Variants in PLIN3 observed in about 807,000 individuals in gnomAD.
PLIN3 encodes perilipin 3.
Under a neutral mutation model 35.9 loss-of-function variants are expected in PLIN3, and 30 were observed. The ratio of observed to expected loss-of-function variants is 0.84; its 90% CI spans 0.62 to 1.13. PLIN3 has a LOEUF of 1.13. Ranked by LOEUF, PLIN3 falls within the 50% of genes most tolerant of loss-of-function variation. The pLI is 0.00. For synonymous variants in PLIN3, 261 were observed against 262.5 expected (o/e 0.99, Z 0.06); for missense variants, 603 against 596.9 (o/e 1.01, Z -0.11).
Position 4,861,375 on chromosome 19 carries a change from T to C in PLIN3, c.20A>G (p.Glu7Gly), listed in dbSNP as rs771147212. The C allele has an allele frequency of 3.1e-6, 5 of 1,613,070 alleles. No homozygotes were observed. In the South Asian group the frequency reaches 5.5e-5, roughly 18 times the overall value. The change falls in exon 2 of 8, where the codon GAG (glutamate) becomes GGG (glycine). Residue 7 changes from glutamate (E) to glycine (G), a missense_variant. Glu to Gly is a moderately conservative substitution (Grantham distance 98). Coordinates refer to ENST00000221957, the MANE Select transcript of PLIN3 (RefSeq NM_005817.5). MSADGAEADGSTQVTVE... is the reference protein window; with the variant it reads MSADGAGADGSTQVTVE... ...TGTCACCTGGGTGCTGCCATCAGCC[T>C]CTGCCCCGTCGGCAGACATGGTCTC... is the stretch of plus-strand genomic sequence containing the variant.
chr19:4,840,612 A>T (rs2029877862), intron 7 of PLIN3, among the ~76,000 whole-genome samples: 1 of 152,198 alleles, frequency 6.6e-6, no homozygotes, highest in East Asian at 1.9e-4. Context: ...GGGAGAGCAC[A>T]TGAAAAGCTG....
In PLIN3 at chr19:4,847,748, TCGAAGCTTGCCCAG is replaced by T; in HGVS notation, c.763_776del (p.Leu255SerfsTer28). On this transcript the variant is annotated frameshift_variant, in exon 6 of 8. Coordinates refer to ENST00000221957, the MANE Select transcript of PLIN3 (RefSeq NM_005817.5). LOFTEE classifies it high-confidence loss of function. ...CCTCCTGTGCCCTCTGCTTGGTGGC[TCGAAGCTTGCCCAG>T]CGAGTGCTCATAGGCGTGCTGCCGC... The T allele has an allele frequency of 6.2e-7, 1 of 1,612,424 alleles. No homozygotes were observed. Among genetic ancestry groups the T allele is most frequent in the East Asian group, 2.2e-5 (1 of 44,840 alleles).
chr19:4,856,232 G>A (rs533716321), intron 4 of PLIN3, among the ~76,000 whole-genome samples: 1 of 152,218 alleles, frequency 6.6e-6, no homozygotes, highest in South Asian at 2.1e-4. Flanking sequence ...TAACCACTGG[G>A]CTGAAGCGGA....
At chr19:4,839,636 A>C in intron 7 of PLIN3, 100 bp from the exon 8 acceptor site, 7 of 858,768 alleles carry the variant, frequency 8.2e-6, no homozygotes, top group South Asian at 3.0e-5. Context: ...TCTACCACTG[A>C]CCTTGGGGCA....
intron 5 of PLIN3, among the ~76,000 whole-genome samples, chr19:4,851,403 G>A (rs951182428): frequency 6.6e-6 from 1 of 152,122 alleles, no homozygotes; most frequent in Non-Finnish European, 1.5e-5. Context: ...GGCAGAGGTT[G>A]CAGTGAGCTG....
chr19:4,854,593 C>T lies in PLIN3; in HGVS notation c.349-2292G>A, dbSNP rs142974477. On this transcript the variant is annotated intron_variant, in intron 4 of 7. Transcript: ENST00000221957. The stretch of plus-strand genomic sequence containing the variant: ...TAATTTTTTGTATTTTTAGTAGAGA[C>T]GGGGTTTCACTGTGTGAGCCAGCAT... Among the ~76,000 whole-genome samples, 792 of 151,876 alleles carry T rather than the reference C, an allele frequency of 5.2e-3. 10 individuals are homozygous for T. Among genetic ancestry groups the T allele is most frequent in the South Asian group, 0.034 (162 of 4,802 alleles).
intron 4 of PLIN3, 141 bp downstream of exon 4, chr19:4,859,449 G>A: frequency 1.4e-6 from 1 of 725,286 alleles, no homozygotes; most frequent in South Asian, 1.6e-5. Flanking sequence ...GTGGGGAGTG[G>A]ATTCGGGGTG....
At chr19:4,844,863 A>T in intron 6 of PLIN3, 70 bp from the exon 7 acceptor site, 1 of 1,463,322 alleles carries the variant, frequency 6.8e-7, no homozygotes, top group Non-Finnish European at 9.1e-7. Flanking sequence ...GAAGGAACCC[A>T]AGGAATCCTT....
intron 1 of PLIN3, among the ~76,000 whole-genome samples, chr19:4,861,820 A>G (rs1332865802): frequency 2.0e-5 from 3 of 151,814 alleles, no homozygotes; most frequent in African/African-American, 7.3e-5. Flanking sequence ...TTTTTAGTAG[A>G]GACGGGGTTT....
chr19:4,841,208 T>C (rs546428326), intron 7 of PLIN3, among the ~76,000 whole-genome samples: 1 of 152,156 alleles, frequency 6.6e-6, no homozygotes, highest in Admixed American at 6.6e-5. Context: ...TAGAAACGAC[T>C]CAAGTGTCCT....
At chr19:4,843,070 A>C (rs1333421704) in intron 7 of PLIN3, among the ~76,000 whole-genome samples, 2 of 151,754 alleles carry the variant, frequency 1.3e-5, no homozygotes, top group African/African-American at 2.4e-5. Context: ...AAAAGTACAA[A>C]AATTAGCCGG....
intron 7 of PLIN3, 72 bp from the exon 8 acceptor site, chr19:4,839,608 A>G (rs2029870228): frequency 2.5e-6 from 3 of 1,215,370 alleles, no homozygotes; most frequent in Non-Finnish European, 3.3e-6. Context: ...GAAGCCAGGG[A>G]AAGAGGGGAA....
chr19:4,858,951 C>T (rs558902806), intron 4 of PLIN3, among the ~76,000 whole-genome samples: 2 of 151,968 alleles, frequency 1.3e-5, no homozygotes, highest in African/African-American at 4.8e-5. Flanking sequence ...ATCCTCCCGC[C>T]TTGGCCTCCC....
At position 4,861,211 on chromosome 19, in the gene PLIN3, C is replaced by T. The variant is rs1421327275; in HGVS notation, c.66+118G>A. ...ATACCCCACTGAGGAATAAATCCCT[C>T]TGGCTCCGTGAGCTGCCGGCAGATC... is the stretch of plus-strand genomic sequence containing the variant. On this transcript the variant is annotated intron_variant, in intron 2 of 7. Coordinates refer to ENST00000221957, the MANE Select transcript of PLIN3 (RefSeq NM_005817.5). The T allele has an allele frequency of 6.0e-6, 5 of 833,408 alleles. No homozygotes were observed. The Admixed American group carries it at 9.2e-5, about 15-fold the overall frequency. The allele number at this position is 833,408 out of a possible 1,614,324, so 51.6% of individuals were successfully genotyped here.
At chr19:4,849,063 C>T (rs1332910884) in intron 5 of PLIN3, among the ~76,000 whole-genome samples, 1 of 151,622 alleles carries the variant, frequency 6.6e-6, no homozygotes, top group Admixed American at 6.6e-5. Context: ...CTCCCAGCTT[C>T]AAGCTATCCT....
At chr19:4,861,521 C>T in intron 1 of PLIN3, 110 bp from the exon 2 acceptor site, 1 of 711,980 alleles carries the variant, frequency 1.4e-6, no homozygotes, top group Non-Finnish European at 2.5e-6. Flanking sequence ...CCATGACTTA[C>T]AGCTGTGTCT....
At chr19:4,859,760 C>A in intron 3 of PLIN3, 66 bp downstream of exon 3, 1 of 1,595,164 alleles carries the variant, frequency 6.3e-7, no homozygotes, top group South Asian at 1.1e-5. Context: ...CTGGGTAGAC[C>A]CCCCTACTCC....
intron 6 of PLIN3, 88 bp downstream of exon 6, chr19:4,847,603 G>GGTGCA (rs555266649): frequency 7.3e-6 from 8 of 1,101,054 alleles, no homozygotes; most frequent in Non-Finnish European, 1.1e-5. Context: ...CCTGCAGAGG[G>GGTGCA]GTGAGCAATA....
intron 5 of PLIN3, among the ~76,000 whole-genome samples, chr19:4,849,506 A>G (rs969049382): frequency 6.6e-6 from 1 of 151,960 alleles, no homozygotes; most frequent in African/African-American, 2.4e-5. Flanking sequence ...GATGGGGTCT[A>G]TGTTGTCCAG....
Sources: gnomAD v4.1 joint callset for allele counts (sites outside exome capture counted in the v4.1 genomes callset) on GRCh38, gnomAD v4.1.1 for gene constraint, MANE v1.5 for transcripts, NCBI Gene and HGNC (gene_info 2026-07-23, HGNC 2026-07-21) for gene names.